RTL4: variants seen among roughly 807,000 people sequenced by gnomAD.
RTL4 encodes the protein retrotransposon Gag-like protein 4.
RTL4 carries 4 observed loss-of-function variants against 5.3 expected under a neutral mutation model. That is an observed-to-expected ratio of 0.75 (90% CI 0.37 to 1.72). The LOEUF (loss-of-function observed/expected upper bound fraction) is 1.72, where lower values mean the gene tolerates loss of function less well. RTL4 is among the 40% of genes most tolerant of loss of function. The probability of loss-of-function intolerance (pLI) is 0.04; values close to 1 mark genes in which losing one functional copy is unlikely to be tolerated. For synonymous variants in RTL4, 98 were observed against 87.3 expected, an observed-to-expected ratio of 1.12 and a Z score of -0.68; for missense variants, 260 against 227.1, an observed-to-expected ratio of 1.14 and a Z score of -0.93.
At chrX:112,441,489 G>A in the RTL4 span, among the ~76,000 whole-genome samples, 1 of 111,806 alleles carries the variant, frequency 8.9e-6, no homozygotes, top group African/African-American at 3.3e-5. Flanking sequence ...CCCTTCAAGA[G>A]CATCTGTGAC....
At chrX:112,174,379 A>C in the RTL4 span, among the ~76,000 whole-genome samples, 5 of 99,642 alleles carry the variant, frequency 5.0e-5, no homozygotes, top group African/African-American at 1.8e-4. Context: ...ATGATTTCCA[A>C]TTTCATCCAT....
the RTL4 span, among the ~76,000 whole-genome samples, chrX:112,387,170 A>G: frequency 9.1e-6 from 1 of 110,053 alleles, no homozygotes; most frequent in South Asian, 3.8e-4. Flanking sequence ...AAAATTGTCT[A>G]TTCATGTCCT....
At chrX:112,313,805 G>A in the RTL4 span, among the ~76,000 whole-genome samples, 2 of 110,034 alleles carry the variant, frequency 1.8e-5, no homozygotes, top group Non-Finnish European at 3.8e-5. Context: ...ATAAGAACCA[G>A]CAAATGTCAC....
At chrX:112,386,305 C>T in the RTL4 span, among the ~76,000 whole-genome samples, 1 of 111,653 alleles carries the variant, frequency 9.0e-6, no homozygotes. Flanking sequence ...TATTTTGGAC[C>T]AAAGTCACCC....
chrX:112,201,890 C>T, the RTL4 span, among the ~76,000 whole-genome samples: 3 of 111,436 alleles, frequency 2.7e-5, no homozygotes, highest in South Asian at 3.8e-4. Context: ...GAACATGTCA[C>T]GCCAGGAAAT....
chrX:112,185,338 G>A, the RTL4 span, among the ~76,000 whole-genome samples: 1 of 102,141 alleles, frequency 9.8e-6, no homozygotes, highest in African/African-American at 3.6e-5. Context: ...CCAAATTTAC[G>A]CAGGTTAGGC....
chrX:112,182,510 C>T, the RTL4 span, among the ~76,000 whole-genome samples: 1 of 111,729 alleles, frequency 9.0e-6, no homozygotes, highest in Non-Finnish European at 1.9e-5. Context: ...TAGACCTGAA[C>T]AACACAGCAT....
At chrX:112,395,257 G>A in the RTL4 span, among the ~76,000 whole-genome samples, 5 of 111,335 alleles carry the variant, frequency 4.5e-5, no homozygotes, top group Admixed American at 4.8e-4. Flanking sequence ...TTGAAAATCA[G>A]CTAAAATATA....
the RTL4 span, among the ~76,000 whole-genome samples, chrX:112,231,409 C>T: frequency 9.1e-6 from 1 of 109,937 alleles, no homozygotes; most frequent in Non-Finnish European, 1.9e-5. Context: ...AGGATGAGTT[C>T]ATGTCCTTTG....
chrX:112,161,136 C>A, the RTL4 span, among the ~76,000 whole-genome samples: 1 of 111,443 alleles, frequency 9.0e-6, no homozygotes, highest in Non-Finnish European at 1.9e-5. Flanking sequence ...ATACATACCT[C>A]AAAACATTAC....
At chrX:112,295,244 T>TA in the RTL4 span, among the ~76,000 whole-genome samples, 1 of 111,400 alleles carries the variant, frequency 9.0e-6, no homozygotes, top group Admixed American at 9.6e-5. Flanking sequence ...GTATTTTTTT[T>TA]ATCTCCCTTC....
At chrX:112,390,106 A>AATATATATATAT in the RTL4 span, among the ~76,000 whole-genome samples, 11 of 17,385 alleles carry the variant, frequency 6.3e-4, no homozygotes, top group Admixed American at 1.3e-3. Context: ...ATTTATATAT[A>AATATATATATAT]ATATATATAT....
the RTL4 span, among the ~76,000 whole-genome samples, chrX:112,090,381 T>G: frequency 1.8e-5 from 2 of 111,291 alleles, no homozygotes; most frequent in African/African-American, 3.3e-5. Flanking sequence ...ACTGTGGGTT[T>G]TTAATAAACA....
chrX:112,334,553 C>A, the RTL4 span, among the ~76,000 whole-genome samples: 1 of 111,484 alleles, frequency 9.0e-6, no homozygotes, highest in Non-Finnish European at 1.9e-5. Context: ...TTGGGGTGAT[C>A]AACCTGTATA....
At chrX:112,273,815 A>C in the RTL4 span, among the ~76,000 whole-genome samples, 1 of 111,556 alleles carries the variant, frequency 9.0e-6, no homozygotes, top group Non-Finnish European at 1.9e-5. Flanking sequence ...CATTTGCAAA[A>C]TGAGGATAAT....
At chrX:112,128,624 C>T in the RTL4 span, among the ~76,000 whole-genome samples, 224 of 97,796 alleles carry the variant, frequency 2.3e-3, 3 homozygotes, top group African/African-American at 7.9e-3. Context: ...TGTCACTGCA[C>T]TCCAGCCTGG....
At chrX:112,125,659 T>G in the RTL4 span, among the ~76,000 whole-genome samples, 2 of 111,999 alleles carry the variant, frequency 1.8e-5, no homozygotes, top group Non-Finnish European at 3.8e-5. Context: ...CAACTTCATT[T>G]AAATTCCTCA....
the RTL4 span, among the ~76,000 whole-genome samples, chrX:112,176,693 C>A: frequency 1.8e-5 from 2 of 112,076 alleles, no homozygotes; most frequent in Non-Finnish European, 3.8e-5. Context: ...CATTACAGTT[C>A]TTCAAGCTAT....
the RTL4 span, among the ~76,000 whole-genome samples, chrX:112,406,972 G>T: frequency 9.1e-6 from 1 of 109,946 alleles, no homozygotes; most frequent in Non-Finnish European, 1.9e-5. Context: ...TAACTGAAGA[G>T]CCCTGTGTCC....
Sources: allele counts gnomAD v4.1 joint callset (sites outside exome capture counted in the v4.1 genomes callset), GRCh38; gene constraint gnomAD v4.1.1; transcripts MANE v1.5; gene names NCBI Gene and HGNC (gene_info 2026-07-23, HGNC 2026-07-21).